The following MOGAT1 variants were observed in gnomAD, a reference collection of about 807,000 sequenced individuals.
MOGAT1 encodes the protein monoacylglycerol O-acyltransferase 1, also known as 2-acylglycerol O-acyltransferase 1.
MOGAT1 carries 32 observed loss-of-function variants against 31.4 expected under a neutral mutation model. The observed-to-expected ratio is 1.02, with a 90% CI of 0.77 to 1.37. The LOEUF (loss-of-function observed/expected upper bound fraction) is 1.37. Among genes scored for constraint, MOGAT1 ranks in the 40% most tolerant of loss-of-function variants. MOGAT1 has a pLI of 0.00. For synonymous variants in MOGAT1, 145 were observed against 144.5 expected, an observed-to-expected ratio of 1.00 and a Z score of -0.03; for missense variants, 426 against 402.0, an observed-to-expected ratio of 1.06 and a Z score of -0.51.
intron 1 of MOGAT1, among the ~76,000 whole-genome samples, chr2:222,684,554 T>A (rs1400902455): frequency 6.6e-6 from 1 of 152,256 alleles, no homozygotes; most frequent in South Asian, 2.1e-4. Flanking sequence ...CTGACAAAGA[T>A]GTTTCTGCTT....
chr2:222,689,405 A>C lies in MOGAT1; in HGVS notation c.414A>C (p.Ser138=), dbSNP rs764985625. 6.2e-7 allele frequency: 1 copy of C among 1,613,988 alleles called. No individual in the cohort carries two copies. The highest frequency in any genetic ancestry group is 8.5e-7 in the Non-Finnish European group (1 of 1,179,894). ...DFKDLFPGFT[S]YLHVLPLWFW... ...AGGACCTGTTTCCTGGCTTTACTTCATATCTTCACGTGCTGCCACTTTGGT... is the reference window on the plus strand; with the variant it reads ...AGGACCTGTTTCCTGGCTTTACTTCCTATCTTCACGTGCTGCCACTTTGGT... Residue 138 remains serine (S), a synonymous_variant, in exon 3 of 6, where the codon TCA becomes TCC. Transcript: ENST00000446656.
chr2:222,692,539 A>G (rs1237667320), intron 3 of MOGAT1, among the ~76,000 whole-genome samples: 1 of 152,184 alleles, frequency 6.6e-6, no homozygotes, highest in Non-Finnish European at 1.5e-5. Flanking sequence ...TTTAAGGGAG[A>G]ATTTAATGCA....
At chr2:222,694,999 T>G in intron 4 of MOGAT1, 90 bp from the exon 5 acceptor site, 3 of 1,014,854 alleles carry the variant, frequency 3.0e-6, no homozygotes, top group Non-Finnish European at 4.2e-6. Flanking sequence ...AAAAAATTTT[T>G]CAGAAGTTGT....
At chr2:222,697,781 G>A (rs1030838896) in intron 5 of MOGAT1, among the ~76,000 whole-genome samples, 3 of 151,718 alleles carry the variant, frequency 2.0e-5, no homozygotes, top group Non-Finnish European at 2.9e-5. Flanking sequence ...CACTATGTTG[G>A]CCAGGCTGGT....
intron 3 of MOGAT1, among the ~76,000 whole-genome samples, chr2:222,693,838 C>T (rs995053303): frequency 6.6e-6 from 1 of 152,166 alleles, no homozygotes; most frequent in African/African-American, 2.4e-5. Context: ...AACGATATCA[C>T]ATTTATATTA....
chr2:222,701,392 GAA>G (rs1394408381), intron 5 of MOGAT1, among the ~76,000 whole-genome samples: 110 of 142,476 alleles, frequency 7.7e-4, no homozygotes, highest in African/African-American at 2.7e-3. Context: ...GAGAAAGAAA[GAA>G]AGAAAGAGAG....
intron 5 of MOGAT1, among the ~76,000 whole-genome samples, chr2:222,696,753 G>A (rs889649216): frequency 7.2e-5 from 11 of 152,108 alleles, no homozygotes; most frequent in African/African-American, 2.4e-4. Context: ...AAATACTGAG[G>A]AGTTGGCCAA....
At chr2:222,691,168 T>A (rs1692755084) in intron 3 of MOGAT1, among the ~76,000 whole-genome samples, 1 of 150,400 alleles carries the variant, frequency 6.6e-6, no homozygotes, top group Non-Finnish European at 1.5e-5. Context: ...CTGTTTGCAA[T>A]CCCTGGTTTC....
At chr2:222,673,277 T>C (rs1692448306) in intron 1 of MOGAT1, among the ~76,000 whole-genome samples, 1 of 143,998 alleles carries the variant, frequency 6.9e-6, no homozygotes, top group Non-Finnish European at 1.5e-5. Flanking sequence ...TTTTTTCCTT[T>C]TTCCTCTTAA....
chr2:222,689,852 A>T (rs1692731582), intron 3 of MOGAT1, among the ~76,000 whole-genome samples: 1 of 152,256 alleles, frequency 6.6e-6, no homozygotes, highest in African/African-American at 2.4e-5. Flanking sequence ...TGCTGTTACG[A>T]ATACTAGAAA....
chr2:222,685,527 T>C (rs1211947533), intron 1 of MOGAT1, among the ~76,000 whole-genome samples: 1 of 151,932 alleles, frequency 6.6e-6, no homozygotes, highest in Non-Finnish European at 1.5e-5. Flanking sequence ...TAAAGAGATA[T>C]GCAGCATGTA....
intron 1 of MOGAT1, among the ~76,000 whole-genome samples, chr2:222,685,896 G>T (rs950432807): frequency 1.1e-4 from 17 of 151,750 alleles, no homozygotes; most frequent in African/African-American, 3.9e-4. Flanking sequence ...CACTGTGCCC[G>T]GCTGTGTTTT....
In MOGAT1 at chr2:222,709,799, A is replaced by G; in HGVS notation, c.917A>G (p.His306Arg). 6.2e-7 allele frequency: 1 copy of G among 1,613,790 alleles called. No individual in the cohort carries two copies. Among genetic ancestry groups the G allele is most frequent in the Non-Finnish European group, 8.5e-7 (1 of 1,179,758 alleles). ...ACCCAGGAGCAGATTGAGGAGTTAC[A>G]TCAGACCTATATGGAGGAACTTAGG... Reference protein sequence around the residue: ...NPTQEQIEELHQTYMEELRKL... With the variant: ...NPTQEQIEELRQTYMEELRKL... The change falls in exon 6 of 6, where the codon CAT becomes CGT. Residue 306 changes from histidine to arginine, a missense_variant. Physicochemically the swap from His to Arg is conservative, Grantham distance 29. Coordinates refer to ENST00000446656, the MANE Select transcript of MOGAT1 (RefSeq NM_058165.3).
Position 222,688,379 on chromosome 2 carries a change from A to T in MOGAT1, c.130A>T (p.Ile44Leu). The T allele has an allele frequency of 6.2e-7, 1 of 1,612,830 alleles. No homozygotes were observed. The highest frequency in any genetic ancestry group is 8.5e-7 in the Non-Finnish European group (1 of 1,179,384). Residue 44 changes from isoleucine (I) to leucine (L), a missense_variant, in exon 2 of 6, where the codon ATA (isoleucine) becomes TTA (leucine). Ile to Leu is a conservative substitution (Grantham distance 5). Coordinates refer to ENST00000446656, the MANE Select transcript of MOGAT1 (RefSeq NM_058165.3). ...CATTGGAATCACTGTGATGCTGATC[A>T]TACACAACTATTTGTTCCTTTACAT... is the stretch of plus-strand genomic sequence containing the variant. ...MSIGITVMLIIHNYLFLYIPY... is the reference protein window; with the variant it reads ...MSIGITVMLILHNYLFLYIPY...
At chr2:222,684,481 A>G (rs1417049669) in intron 1 of MOGAT1, among the ~76,000 whole-genome samples, 4 of 152,226 alleles carry the variant, frequency 2.6e-5, no homozygotes, top group African/African-American at 9.6e-5. Flanking sequence ...TGTATGCAGT[A>G]TCTAGAGTGG....
rs546621653 is a variant in MOGAT1, at chr2:222,709,158, CA to C, written c.854-568del. ...CAAAACCCCGTCTCTACTGAAAATA[CA>C]AAAAAAAAATTAGCCGGGCATGGTG... On this transcript the variant is annotated intron_variant, in intron 5 of 5. Coordinates refer to ENST00000446656, the MANE Select transcript of MOGAT1 (RefSeq NM_058165.3). Among the ~76,000 whole-genome samples, 9 of 148,746 alleles carry C rather than the reference CA, an allele frequency of 6.1e-5. 1 individual carries two copies. The highest frequency in any genetic ancestry group is 1.2e-4 in the African/African-American group (5 of 40,584).
chr2:222,676,773 A>G (rs139229753), intron 1 of MOGAT1, among the ~76,000 whole-genome samples: 416 of 152,094 alleles, frequency 2.7e-3, no homozygotes, highest in African/African-American at 9.6e-3. Flanking sequence ...AATTTTTGCA[A>G]TTTTTTTCTT....
chr2:222,680,769 G>GA (rs971290404), intron 1 of MOGAT1, among the ~76,000 whole-genome samples: 3 of 151,942 alleles, frequency 2.0e-5, no homozygotes, highest in Non-Finnish European at 2.9e-5. Context: ...TTTTCATGCA[G>GA]AAAAAAATGA....
At chr2:222,673,331 CAAAAAA>C (rs57706625) in intron 1 of MOGAT1, among the ~76,000 whole-genome samples, 1 of 102,238 alleles carries the variant, frequency 9.8e-6, no homozygotes, top group Non-Finnish European at 1.8e-5. Flanking sequence ...TAGAATTTAC[CAAAAAA>C]AAAAAAAAAT....
Sources: allele counts gnomAD v4.1 joint callset (sites outside exome capture counted in the v4.1 genomes callset), GRCh38; gene constraint gnomAD v4.1.1; transcripts MANE v1.5; gene names NCBI Gene and HGNC (gene_info 2026-07-23, HGNC 2026-07-21).